The following FLRT1 variants were observed in gnomAD, a reference collection of about 807,000 sequenced individuals.
The protein encoded by FLRT1 is leucine-rich repeat transmembrane protein FLRT1.
A neutral mutation model predicts 30.9 loss-of-function variants in FLRT1; 14 were observed. The observed-to-expected ratio is 0.45, with a 90% confidence interval of 0.30 to 0.71. The LOEUF (loss-of-function observed/expected upper bound fraction) is 0.71, where lower values mean the gene tolerates loss of function less well. Ranked by LOEUF, FLRT1 falls within the 30% of genes least tolerant of loss-of-function variation. The probability of loss-of-function intolerance (pLI) is 0.08; values close to 1 mark genes in which losing one functional copy is unlikely to be tolerated. For synonymous variants in FLRT1, 368 were observed against 430.4 expected (o/e 0.85, Z 1.80); for missense variants, 737 against 949.2 (o/e 0.78, Z 2.94).
At chr11:64,049,467 C>A (rs1273019540) in intron 1 of FLRT1, among the ~76,000 whole-genome samples, 2 of 152,210 alleles carry the variant, frequency 1.3e-5, no homozygotes, top group Middle Eastern at 6.3e-3. Context: ...TTCATCCTCA[C>A]AACCTTATGG....
At chr11:64,068,542 T>C (rs1359111265) in intron 1 of FLRT1, among the ~76,000 whole-genome samples, 1 of 152,250 alleles carries the variant, frequency 6.6e-6, no homozygotes, top group East Asian at 1.9e-4. Flanking sequence ...ACATATTTAC[T>C]GCCGATTACT....
chr11:64,056,546 G>A (rs1943789517), intron 1 of FLRT1, among the ~76,000 whole-genome samples: 1 of 152,222 alleles, frequency 6.6e-6, no homozygotes, highest in African/African-American at 2.4e-5. Context: ...CAACAGCCGG[G>A]GGCCTGGCCC....
intron 1 of FLRT1, among the ~76,000 whole-genome samples, chr11:64,081,170 C>T (rs1852258422): frequency 6.6e-6 from 1 of 152,140 alleles, no homozygotes; most frequent in South Asian, 2.1e-4. Context: ...TACAGGTGTC[C>T]ACCACCATGC....
chr11:64,096,197 A>G lies in FLRT1; in HGVS notation c.-1037-6997A>G, dbSNP rs1944573274. ...ACCTGCCTTGGCCAAGGGCCAGCCA[A>G]GAGCACTGTGACGGGCAGGCAGGGG... On this transcript the variant is annotated intron_variant, in intron 1 of 2. Transcript: ENST00000682287. This position sits in a 1 kb window ranked among gnomAD's most constrained non-coding sequence, Gnocchi z 4.6. 6.6e-6 allele frequency among the ~76,000 whole-genome samples: 1 copy of G among 152,234 alleles called. No homozygotes were observed. Among genetic ancestry groups the G allele is most frequent in the Non-Finnish European group, 1.5e-5 (1 of 68,042 alleles).
chr11:64,062,330 A>C (rs1943920567), intron 1 of FLRT1, among the ~76,000 whole-genome samples: 1 of 152,140 alleles, frequency 6.6e-6, no homozygotes, highest in Non-Finnish European at 1.5e-5. Flanking sequence ...TGTCTCCCAG[A>C]GGGAGTCCTG....
intron 1 of FLRT1, among the ~76,000 whole-genome samples, chr11:64,065,515 C>T (rs184421426): frequency 1.0e-3 from 156 of 152,260 alleles, no homozygotes; most frequent in East Asian, 5.8e-4. Context: ...AGGGGCCAGG[C>T]GCGGTGGCTC....
chr11:64,114,789 G>A (rs146789215), intron 2 of FLRT1, among the ~76,000 whole-genome samples: 1 of 152,304 alleles, frequency 6.6e-6, no homozygotes, highest in East Asian at 1.9e-4. Flanking sequence ...ACAGGTGGAT[G>A]GATGGTAGGT....
rs1294688988 is a variant in FLRT1, at chr11:64,064,656, G to A, written c.-1038+28497G>A. Reference sequence around the variant, plus strand: ...AACAGGATGCAGAGTAGGGGCCTCTGGCAGGACATTAAACGGCACCGAGAT... The same window carrying A: ...AACAGGATGCAGAGTAGGGGCCTCTAGCAGGACATTAAACGGCACCGAGAT... On this transcript the variant is annotated intron_variant, in intron 1 of 2. Coordinates refer to ENST00000682287, the MANE Select transcript of FLRT1 (RefSeq NM_013280.5). This position sits in a 1 kb window ranked among gnomAD's most constrained non-coding sequence, Gnocchi z 4.5. Among the ~76,000 whole-genome samples the A allele has an allele frequency of 3.4e-5, 5 of 148,418 alleles. No homozygotes were observed. The East Asian group carries it at 1.0e-3, about 30-fold the overall frequency.
At chr11:64,041,439 AG>A (rs1943485769) in intron 1 of FLRT1, among the ~76,000 whole-genome samples, 4 of 150,986 alleles carry the variant, frequency 2.6e-5, no homozygotes. Context: ...TTCCTGGGGG[AG>A]GTCAGCCAGG....
chr11:64,092,485 C>G (rs1296905821), intron 1 of FLRT1, among the ~76,000 whole-genome samples: 1 of 152,176 alleles, frequency 6.6e-6, no homozygotes, highest in African/African-American at 2.4e-5. Flanking sequence ...TGGGTGTGGC[C>G]AGAGGTCTTG....
At chr11:64,068,459 C>T (rs753384275) in intron 1 of FLRT1, among the ~76,000 whole-genome samples, 4 of 152,194 alleles carry the variant, frequency 2.6e-5, no homozygotes, top group South Asian at 2.1e-4. Context: ...AGTCTGGGCA[C>T]GGTAAGGGCT....
At chr11:64,093,863 A>C (rs538092333) in intron 1 of FLRT1, among the ~76,000 whole-genome samples, 171 of 152,288 alleles carry the variant, frequency 1.1e-3, no homozygotes, top group African/African-American at 3.9e-3. Context: ...TTCCTCCATT[A>C]ATACAGCCTG....
intron 1 of FLRT1, among the ~76,000 whole-genome samples, chr11:64,078,385 T>C (rs1207763401): frequency 3.9e-5 from 6 of 152,226 alleles, no homozygotes; most frequent in African/African-American, 1.4e-4. Context: ...CTCAGGGGGC[T>C]GAACGGCTGC....
chr11:64,085,254 G>C (rs1216565065), intron 1 of FLRT1, among the ~76,000 whole-genome samples: 1 of 152,168 alleles, frequency 6.6e-6, no homozygotes, highest in Non-Finnish European at 1.5e-5. Flanking sequence ...CGCTGTCCCT[G>C]GGCACCACGG....
At chr11:64,053,963 C>T (rs1943739442) in intron 1 of FLRT1, among the ~76,000 whole-genome samples, 2 of 152,234 alleles carry the variant, frequency 1.3e-5, no homozygotes, top group South Asian at 2.1e-4. Flanking sequence ...GCTGTTCCTG[C>T]GTTCCAGCAC....
At chr11:64,115,563 T>A (rs145908834) in intron 2 of FLRT1, among the ~76,000 whole-genome samples, 1 of 152,180 alleles carries the variant, frequency 6.6e-6, no homozygotes, top group African/African-American at 2.4e-5. Flanking sequence ...AATGTACGAG[T>A]GACAACAGGA....
intron 1 of FLRT1, among the ~76,000 whole-genome samples, chr11:64,059,777 C>T (rs2701549): frequency 0.03 from 4,507 of 152,306 alleles, 218 homozygotes; most frequent in African/African-American, 0.1. Flanking sequence ...ATTCCCTCTC[C>T]TGAGTTTCTC....
intron 1 of FLRT1, among the ~76,000 whole-genome samples, chr11:64,039,136 G>A (rs1943437307): frequency 6.6e-6 from 1 of 152,182 alleles, no homozygotes; most frequent in Admixed American, 6.5e-5. Context: ...AGGGGCAGTG[G>A]GAAATGCCCC....
At chr11:64,038,827 G>A (rs1040820366) in intron 1 of FLRT1, among the ~76,000 whole-genome samples, 8 of 152,158 alleles carry the variant, frequency 5.3e-5, no homozygotes, top group African/African-American at 1.7e-4. Flanking sequence ...AAGGACTTTC[G>A]GTTCCTGGGG....
Sources: allele counts gnomAD v4.1 joint callset (sites outside exome capture counted in the v4.1 genomes callset), GRCh38; gene constraint gnomAD v4.1.1; non-coding constraint Gnocchi (gnomAD v3.1); transcripts MANE v1.5; gene names NCBI Gene and HGNC (gene_info 2026-07-23, HGNC 2026-07-21).